The following C3orf22 variants were observed in gnomAD, a reference collection of about 807,000 sequenced individuals.
The protein encoded by C3orf22 is uncharacterized protein C3orf22.
In C3orf22, 7 loss-of-function variants were observed where a neutral mutation model predicts 10.8. The ratio of observed to expected loss-of-function variants is 0.65; its 90% CI spans 0.37 to 1.22. The LOEUF (loss-of-function observed/expected upper bound fraction) is 1.22, where lower values mean the gene tolerates loss of function less well. C3orf22 is among the 50% of genes most tolerant of loss of function. The probability of loss-of-function intolerance (pLI) is 0.02; values close to 1 mark genes in which losing one functional copy is unlikely to be tolerated. For missense variants in C3orf22, 173 were observed against 177.0 expected (o/e 0.98, Z 0.13); for synonymous variants, 79 against 78.9 (o/e 1.00, Z 0.00).
intron 3 of C3orf22, 134 bp from the exon 4 acceptor site, chr3:126,550,212 T>C: frequency 1.0e-6 from 1 of 991,524 alleles, no homozygotes; most frequent in East Asian, 2.6e-5. Context: ...AGGCTTGACC[T>C]GGCCCCTTCC....
chr3:126,557,365 G>T (rs1222571713), intron 1 of C3orf22, among the ~76,000 whole-genome samples: 1 of 152,254 alleles, frequency 6.6e-6, no homozygotes, highest in African/African-American at 2.4e-5. Context: ...AAAATCCGAT[G>T]ATGTCTGGAG....
intron 4 of C3orf22, chr3:126,542,548 C>A: frequency 6.6e-7 from 1 of 1,516,358 alleles, no homozygotes. Flanking sequence ...TTTTCAACTA[C>A]TCCGCCCCCT....
downstream of C3orf22, among the ~76,000 whole-genome samples, chr3:126,544,941 T>A (rs1285625330): frequency 6.6e-6 from 1 of 152,246 alleles, no homozygotes; most frequent in African/African-American, 2.4e-5. Flanking sequence ...CTGAGGGCGC[T>A]GGGGCAGCTC....
At chr3:126,529,266 G>T in exon 5 of C3orf22, 1 of 1,230,526 alleles carries the variant, frequency 8.1e-7, no homozygotes, top group Non-Finnish European at 1.1e-6. Flanking sequence ...AACATGACGT[G>T]TGCGGGTGTC....
downstream of C3orf22, chr3:126,549,628 AC>A (rs1486229958): frequency 4.8e-6 from 7 of 1,467,480 alleles, no homozygotes; most frequent in Non-Finnish European, 6.4e-6. Context: ...AAACATTATT[AC>A]AACAATTTTA....
At chr3:126,537,891 GCCC>G (rs1936831610) in intron 4 of C3orf22, among the ~76,000 whole-genome samples, 1 of 152,232 alleles carries the variant, frequency 6.6e-6, no homozygotes, top group Non-Finnish European at 1.5e-5. Flanking sequence ...GGAGGCAAGT[GCCC>G]TGCAAAGGTC....
At chr3:126,557,208 C>G (rs1937369130) in intron 1 of C3orf22, among the ~76,000 whole-genome samples, 1 of 152,224 alleles carries the variant, frequency 6.6e-6, no homozygotes. Flanking sequence ...GGCCTCAGCT[C>G]TGTCCCTATC....
chr3:126,541,121 C>T (rs1454909762), intron 4 of C3orf22, among the ~76,000 whole-genome samples: 15 of 152,104 alleles, frequency 9.9e-5, no homozygotes. Flanking sequence ...GCTGCTGGCC[C>T]GCAGCAGGTG....
At chr3:126,557,463 G>A (rs1016949466) in intron 1 of C3orf22, among the ~76,000 whole-genome samples, 4 of 152,162 alleles carry the variant, frequency 2.6e-5, no homozygotes, top group Non-Finnish European at 4.4e-5. Context: ...AAGACTGCTC[G>A]GCAGTGATCC....
chr3:126,542,140 C>T (rs757949099), intron 4 of C3orf22: 2 of 1,563,230 alleles, frequency 1.3e-6, no homozygotes, highest in Non-Finnish European at 1.7e-6. Context: ...GCGCCGCCTT[C>T]CAGAGGCGCT....
chr3:126,529,326 C>T, exon 5 of C3orf22: 1 of 1,289,414 alleles, frequency 7.8e-7, no homozygotes. Flanking sequence ...GCTCTCCTTC[C>T]CTGGGCTGGT....
At chr3:126,542,555 C>A in intron 4 of C3orf22, 4 of 1,509,884 alleles carry the variant, frequency 2.6e-6, no homozygotes, top group Non-Finnish European at 3.5e-6. Context: ...CTACTCCGCC[C>A]CCTCCTACCT....
chr3:126,539,643 CCA>C (rs1018760015), intron 4 of C3orf22, among the ~76,000 whole-genome samples: 7 of 137,212 alleles, frequency 5.1e-5, no homozygotes, highest in Admixed American at 1.4e-4. Flanking sequence ...ACCCCACACA[CCA>C]CACACACCCC....
At chr3:126,554,818 C>T (rs905467266) in intron 1 of C3orf22, among the ~76,000 whole-genome samples, 2 of 152,140 alleles carry the variant, frequency 1.3e-5, no homozygotes, top group Admixed American at 6.5e-5. Flanking sequence ...CAAGTGAAGC[C>T]CTGGTCAGGG....
At chr3:126,553,246 G>A (rs1937242016) in intron 2 of C3orf22, 56 bp downstream of exon 2, 1 of 1,253,466 alleles carries the variant, frequency 8.0e-7, no homozygotes, top group African/African-American at 1.5e-5. Context: ...TTCCCAGGAT[G>A]CTGGGGTGAC....
intron 4 of C3orf22, among the ~76,000 whole-genome samples, chr3:126,543,633 C>T (rs1020876565): frequency 7.9e-5 from 12 of 151,978 alleles, no homozygotes; most frequent in South Asian, 2.1e-4. Context: ...CACCTTTGTG[C>T]GTGTGTGACT....
chr3:126,533,851 G>A (rs1368632731), intron 4 of C3orf22, among the ~76,000 whole-genome samples: 1 of 152,000 alleles, frequency 6.6e-6, no homozygotes, highest in Non-Finnish European at 1.5e-5. Flanking sequence ...CTGATCCTGG[G>A]CTTTTGTTTG....
At chr3:126,550,478 C>G (rs984887710) in intron 3 of C3orf22, among the ~76,000 whole-genome samples, 1 of 152,178 alleles carries the variant, frequency 6.6e-6, no homozygotes, top group East Asian at 1.9e-4. Context: ...TGAGGACACC[C>G]TCTGTCTCCC....
At chr3:126,542,252 G>C in intron 4 of C3orf22, 9 of 1,541,982 alleles carry the variant, frequency 5.8e-6, no homozygotes, top group Non-Finnish European at 6.9e-6. Context: ...CTACCTGCTG[G>C]ACCCGCGCAC....
Sources: gnomAD v4.1 joint callset for allele counts (sites outside exome capture counted in the v4.1 genomes callset) on GRCh38, gnomAD v4.1.1 for gene constraint, MANE v1.5 for transcripts, NCBI Gene and HGNC (gene_info 2026-07-23, HGNC 2026-07-21) for gene names.